The following ARFGAP3 variants were observed in gnomAD, a reference collection of about 807,000 sequenced individuals.
ARFGAP3 encodes the protein ADP-ribosylation factor GTPase-activating protein 3.
ARFGAP3 carries 72 observed loss-of-function variants against 75.0 expected under a neutral mutation model. The observed-to-expected ratio is 0.96, with a 90% CI of 0.79 to 1.17. The LOEUF (loss-of-function observed/expected upper bound fraction) is 1.17, where lower values mean the gene tolerates loss of function less well. Ranked by LOEUF, ARFGAP3 falls within the 50% of genes most tolerant of loss-of-function variation. The pLI is 0.00. For synonymous variants in ARFGAP3, 221 were observed against 217.9 expected, an observed-to-expected ratio of 1.01 and a Z score of -0.13; for missense variants, 620 against 626.6, an observed-to-expected ratio of 0.99 and a Z score of 0.11.
chr22:42,840,517 T>C (rs1926732700), intron 3 of ARFGAP3, among the ~76,000 whole-genome samples: 1 of 150,246 alleles, frequency 6.7e-6, no homozygotes, highest in African/African-American at 2.5e-5. Context: ...CCCAGGTTCA[T>C]GCAACTCTCC....
At chr22:42,804,506 G>A (rs1448706204) in intron 14 of ARFGAP3, among the ~76,000 whole-genome samples, 3 of 149,826 alleles carry the variant, frequency 2.0e-5, no homozygotes, top group Admixed American at 1.4e-4. Flanking sequence ...CTCAGCCTCC[G>A]GAGTAGCTGG....
At chr22:42,824,895 G>T (rs546878827) in intron 7 of ARFGAP3, among the ~76,000 whole-genome samples, 2 of 151,958 alleles carry the variant, frequency 1.3e-5, no homozygotes, top group Non-Finnish European at 2.9e-5. Context: ...CTTTATGTTC[G>T]TATGAACCCA....
chr22:42,833,606 A>T (rs1417467989), intron 5 of ARFGAP3, among the ~76,000 whole-genome samples: 4 of 152,226 alleles, frequency 2.6e-5, no homozygotes, highest in African/African-American at 9.6e-5. Flanking sequence ...AAATACAAAA[A>T]TTAGCCAGGT....
chr22:42,837,734 G>C (rs1926592957), intron 3 of ARFGAP3, among the ~76,000 whole-genome samples: 1 of 126,652 alleles, frequency 7.9e-6, no homozygotes, highest in Admixed American at 1.0e-4. Flanking sequence ...CTGGAGTGCA[G>C]TGGCACGGTG....
chr22:42,807,291 A>C, intron 13 of ARFGAP3, 128 bp from the exon 14 acceptor site: 2 of 1,447,114 alleles, frequency 1.4e-6, no homozygotes, highest in Middle Eastern at 4.6e-4. Context: ...ACAGTTACTG[A>C]ATGCCACTGC....
chr22:42,851,415 C>G (rs1317177141), intron 1 of ARFGAP3, among the ~76,000 whole-genome samples: 1 of 152,220 alleles, frequency 6.6e-6, no homozygotes, highest in Non-Finnish European at 1.5e-5. Context: ...TCCTCCGGAC[C>G]CATCACCTAA....
intron 14 of ARFGAP3, among the ~76,000 whole-genome samples, chr22:42,802,879 C>T (rs563885286): frequency 6.6e-6 from 1 of 152,212 alleles, no homozygotes; most frequent in Non-Finnish European, 1.5e-5. Context: ...GGATTACAGG[C>T]GTGAGCCACC....
At chr22:42,826,105 C>A (rs1033154041) in intron 7 of ARFGAP3, among the ~76,000 whole-genome samples, 3 of 152,172 alleles carry the variant, frequency 2.0e-5, no homozygotes, top group Non-Finnish European at 4.4e-5. Flanking sequence ...ATGTCAGGAG[C>A]ATTTCTAACA....
At chr22:42,830,900 G>T (rs1354045503) in intron 6 of ARFGAP3, among the ~76,000 whole-genome samples, 1 of 152,096 alleles carries the variant, frequency 6.6e-6, no homozygotes, top group African/African-American at 2.4e-5. Flanking sequence ...TTTCCAGAAC[G>T]TTTTTGGTAT....
At chr22:42,840,232 G>A (rs780498937) in intron 3 of ARFGAP3, among the ~76,000 whole-genome samples, 1 of 151,494 alleles carries the variant, frequency 6.6e-6, no homozygotes, top group Non-Finnish European at 1.5e-5. Flanking sequence ...GTGCCCAGCT[G>A]GGGATCTTGT....
chr22:42,801,634 G>A (rs539495957), intron 14 of ARFGAP3, among the ~76,000 whole-genome samples: 4 of 152,098 alleles, frequency 2.6e-5, no homozygotes, highest in Admixed American at 1.3e-4. Flanking sequence ...AGGGGGAGGC[G>A]TGTTCCAGCC....
At chr22:42,805,963 G>C (rs1208589914) in intron 14 of ARFGAP3, among the ~76,000 whole-genome samples, 1 of 151,246 alleles carries the variant, frequency 6.6e-6, no homozygotes, top group African/African-American at 2.5e-5. Context: ...GAGGGCCACA[G>C]TGTGTCTCTA....
intron 6 of ARFGAP3, among the ~76,000 whole-genome samples, chr22:42,831,309 A>G (rs1248023509): frequency 6.7e-6 from 1 of 149,702 alleles, no homozygotes; most frequent in African/African-American, 2.4e-5. Flanking sequence ...AAAAAGACAG[A>G]AGGGTCTACA....
At chr22:42,838,290 A>ATATATATAT (rs1555899059) in intron 3 of ARFGAP3, among the ~76,000 whole-genome samples, 5 of 137,184 alleles carry the variant, frequency 3.6e-5, no homozygotes, top group Admixed American at 1.5e-4. Flanking sequence ...ATATATATAT[A>ATATATATAT]TTTTTTTTTT....
chr22:42,837,423 C>T (rs1320763609), intron 3 of ARFGAP3, among the ~76,000 whole-genome samples: 1 of 152,138 alleles, frequency 6.6e-6, no homozygotes, highest in East Asian at 1.9e-4. Flanking sequence ...GAGTTCGAGA[C>T]CAGCCTGGCA....
At position 42,822,335 on chromosome 22, in the gene ARFGAP3, A is replaced by G. The variant is rs1925848089; in HGVS notation, c.747T>C (p.Ala249=). The G allele has an allele frequency of 6.2e-7, 1 of 1,613,912 alleles. No individual in the cohort carries two copies. The change falls in exon 9 of 16, where the codon GCT becomes GCC. Residue 249 remains alanine, a synonymous_variant. Transcript: ENST00000263245. ...GCTCCTTCATTTTATCCGCAGCTTG[A>G]GCTTGTTTTTCAATTTCATTAAAGC... ...NTCFNEIEKQ[A]QAADKMKEQE... is the part of the protein sequence containing the mutation.
At chr22:42,800,870 G>T (rs1924824575) in intron 14 of ARFGAP3, among the ~76,000 whole-genome samples, 1 of 152,224 alleles carries the variant, frequency 6.6e-6, no homozygotes, top group South Asian at 2.1e-4. Flanking sequence ...GGAAATGACA[G>T]TTCCAGCCAC....
intron 1 of ARFGAP3, among the ~76,000 whole-genome samples, chr22:42,855,528 A>G (rs1927457553): frequency 6.6e-6 from 1 of 152,036 alleles, no homozygotes; most frequent in Admixed American, 6.6e-5. Context: ...TCTACTAAAA[A>G]TATAAAAATT....
intron 6 of ARFGAP3, among the ~76,000 whole-genome samples, chr22:42,830,334 C>A (rs982428340): frequency 4.6e-5 from 7 of 152,066 alleles, no homozygotes; most frequent in Admixed American, 3.9e-4. Context: ...CAGCTGAGTG[C>A]CTCTCTCTCC....
Sources: allele counts gnomAD v4.1 joint callset (sites outside exome capture counted in the v4.1 genomes callset), GRCh38; gene constraint gnomAD v4.1.1; transcripts MANE v1.5; gene names NCBI Gene and HGNC (gene_info 2026-07-23, HGNC 2026-07-21).